KCNH8: variants seen among roughly 807,000 people sequenced by gnomAD.
KCNH8 encodes the protein voltage-gated delayed rectifier potassium channel KCNH8.
KCNH8 carries 70 observed loss-of-function variants against 103.6 expected under a neutral mutation model. That is an observed-to-expected ratio of 0.68 (90% CI 0.56 to 0.82). The LOEUF is 0.82. Ranked by LOEUF, KCNH8 falls within the 40% of genes least tolerant of loss-of-function variation. The pLI is 0.00. For synonymous variants in KCNH8, 498 were observed against 489.4 expected (o/e 1.02, Z -0.23); for missense variants, 1,217 against 1,329.9 (o/e 0.92, Z 1.32).
chr3:19,230,670 C>T (rs2063983858), intron 1 of KCNH8, among the ~76,000 whole-genome samples: 1 of 151,620 alleles, frequency 6.6e-6, no homozygotes, highest in South Asian at 2.1e-4. Context: ...TCATCAGTAA[C>T]TCTTTATGTA....
chr3:19,171,295 C>T (rs896493291), intron 1 of KCNH8, among the ~76,000 whole-genome samples: 3 of 152,106 alleles, frequency 2.0e-5, no homozygotes, highest in African/African-American at 7.2e-5. Flanking sequence ...AATTTTTCTA[C>T]TTTCTGAAAA....
At chr3:19,376,629 A>G (rs1559297479) in intron 5 of KCNH8, among the ~76,000 whole-genome samples, 1 of 152,122 alleles carries the variant, frequency 6.6e-6, no homozygotes, top group Non-Finnish European at 1.5e-5. Flanking sequence ...CTCTCCCTGT[A>G]TACATATTTT....
At chr3:19,299,285 A>T (rs1239976346) in intron 3 of KCNH8, among the ~76,000 whole-genome samples, 1 of 151,786 alleles carries the variant, frequency 6.6e-6, no homozygotes, top group Non-Finnish European at 1.5e-5. Context: ...ATCTTAGCTG[A>T]AAATTTTAAA....
intron 7 of KCNH8, among the ~76,000 whole-genome samples, chr3:19,412,598 C>A (rs935468045): frequency 6.6e-6 from 1 of 151,920 alleles, no homozygotes; most frequent in Non-Finnish European, 1.5e-5. Flanking sequence ...AATAAAAAGA[C>A]AACCTACCGA....
chr3:19,207,238 G>T (rs1216910034), intron 1 of KCNH8, among the ~76,000 whole-genome samples: 4 of 151,780 alleles, frequency 2.6e-5, no homozygotes, highest in African/African-American at 9.7e-5. Flanking sequence ...TGGGAAGGAA[G>T]TGTCTTAGTA....
At chr3:19,350,414 G>A (rs558089671) in intron 5 of KCNH8, among the ~76,000 whole-genome samples, 116 of 152,226 alleles carry the variant, frequency 7.6e-4, no homozygotes, top group African/African-American at 2.6e-3. Flanking sequence ...ATCTGAGAAC[G>A]GAAAGACTGC....
At chr3:19,152,467 C>T (rs2063140100) in intron 1 of KCNH8, among the ~76,000 whole-genome samples, 1 of 152,126 alleles carries the variant, frequency 6.6e-6, no homozygotes, top group African/African-American at 2.4e-5. Flanking sequence ...TACTTCTTCC[C>T]TTTTGGTTTA....
intron 5 of KCNH8, among the ~76,000 whole-genome samples, chr3:19,381,365 A>G (rs1304391960): frequency 6.6e-6 from 1 of 152,224 alleles, no homozygotes; most frequent in East Asian, 1.9e-4. Flanking sequence ...TGACTCTTGC[A>G]TCACAAAATA....
chr3:19,213,372 G>A (rs894779511), intron 1 of KCNH8, among the ~76,000 whole-genome samples: 1 of 151,988 alleles, frequency 6.6e-6, no homozygotes, highest in African/African-American at 2.4e-5. Flanking sequence ...TCTAAACTGA[G>A]GACTTTGAAA....
Position 19,351,141 on chromosome 3 carries a change from G to A in KCNH8, c.811+3176G>A, listed in dbSNP as rs188819913. 3.2e-3 allele frequency among the ~76,000 whole-genome samples: 487 copies of A among 152,200 alleles called. 1 individual carries two copies. Among genetic ancestry groups the A allele is most frequent in the Non-Finnish European group, 5.5e-3 (375 of 67,994 alleles). Reference sequence around the variant, plus strand: ...AGTGGAAGAAGGGGTATCAGTGACTGAAGATCAGATGAATGAAATGAAGCA... The same window carrying A: ...AGTGGAAGAAGGGGTATCAGTGACTAAAGATCAGATGAATGAAATGAAGCA... On this transcript the variant is annotated intron_variant, in intron 5 of 15. Coordinates refer to ENST00000328405, the MANE Select transcript of KCNH8 (RefSeq NM_144633.3).
chr3:19,426,261 A>G (rs919104358), intron 7 of KCNH8, among the ~76,000 whole-genome samples: 1 of 152,072 alleles, frequency 6.6e-6, no homozygotes, highest in Non-Finnish European at 1.5e-5. Context: ...TACCTGGCCA[A>G]AGGTGGAGAG....
chr3:19,348,075 CAG>C, intron 5 of KCNH8, 110 bp downstream of exon 5: 1 of 1,354,090 alleles, frequency 7.4e-7, no homozygotes, highest in Non-Finnish European at 1.0e-6. Flanking sequence ...GGGCTTGATT[CAG>C]CCTCTGTTGC....
intron 1 of KCNH8, among the ~76,000 whole-genome samples, chr3:19,232,853 T>C (rs183875406): frequency 1.3e-5 from 2 of 152,310 alleles, no homozygotes; most frequent in Non-Finnish European, 2.9e-5. Context: ...TCTTGGCCAT[T>C]TCAGAGAATA....
At chr3:19,334,958 G>T (rs2065561912) in intron 3 of KCNH8, among the ~76,000 whole-genome samples, 1 of 151,828 alleles carries the variant, frequency 6.6e-6, no homozygotes, top group Non-Finnish European at 1.5e-5. Context: ...GAAATTCTTG[G>T]TATTGAAGCT....
At chr3:19,457,110 G>A (rs1363282850) in intron 11 of KCNH8, 128 bp downstream of exon 11, 5 of 570,190 alleles carry the variant, frequency 8.8e-6, no homozygotes, top group Non-Finnish European at 1.5e-5. Context: ...TGAATATTCA[G>A]CCACCAGTTA....
At chr3:19,509,511 C>T (rs1290111188) in intron 11 of KCNH8, among the ~76,000 whole-genome samples, 1 of 152,064 alleles carries the variant, frequency 6.6e-6, no homozygotes, top group African/African-American at 2.4e-5. Context: ...ATTTCCAGAG[C>T]TTCTTTATAA....
chr3:19,332,482 A>G (rs977981262), intron 3 of KCNH8, among the ~76,000 whole-genome samples: 1 of 152,100 alleles, frequency 6.6e-6, no homozygotes, highest in Non-Finnish European at 1.5e-5. Flanking sequence ...TTACTTAACA[A>G]TTGTGCACAG....
At chr3:19,491,500 C>A (rs1352501341) in intron 11 of KCNH8, among the ~76,000 whole-genome samples, 2 of 152,192 alleles carry the variant, frequency 1.3e-5, no homozygotes, top group Admixed American at 1.3e-4. Context: ...CTGTGAAAGA[C>A]ATGATTTCAT....
chr3:19,369,016 A>T (rs923692674), intron 5 of KCNH8, among the ~76,000 whole-genome samples: 1 of 152,036 alleles, frequency 6.6e-6, no homozygotes, highest in Non-Finnish European at 1.5e-5. Flanking sequence ...TAGTATAATT[A>T]AGAGCCAAAT....
Sources: allele counts gnomAD v4.1 joint callset (sites outside exome capture counted in the v4.1 genomes callset), GRCh38; gene constraint gnomAD v4.1.1; transcripts MANE v1.5; gene names NCBI Gene and HGNC (gene_info 2026-07-23, HGNC 2026-07-21).